XKR6: variants seen among roughly 807,000 people sequenced by gnomAD.
The protein encoded by XKR6 is XK related 6.
A neutral mutation model predicts 56.7 loss-of-function variants in XKR6; 22 were observed. The ratio of observed to expected loss-of-function variants is 0.39; its 90% CI spans 0.28 to 0.55. The LOEUF (loss-of-function observed/expected upper bound fraction) is 0.55. Ranked by LOEUF, XKR6 falls within the 20% of genes least tolerant of loss-of-function variation. The pLI is 0.66. For synonymous variants in XKR6, 524 were observed against 387.8 expected, an observed-to-expected ratio of 1.35 and a Z score of -4.13; for missense variants, 852 against 889.0, an observed-to-expected ratio of 0.96 and a Z score of 0.53.
intron 1 of XKR6, among the ~76,000 whole-genome samples, chr8:10,990,627 T>G (rs1161229073): frequency 6.6e-6 from 1 of 152,200 alleles, no homozygotes. Flanking sequence ...GGTCTCACTC[T>G]GTCACCCAAC....
chr8:11,034,365 G>A (rs185338842), intron 1 of XKR6, among the ~76,000 whole-genome samples: 2 of 152,180 alleles, frequency 1.3e-5, no homozygotes, highest in Non-Finnish European at 2.9e-5. Flanking sequence ...CAGGCCGAGA[G>A]AGCATCATGG....
chr8:11,184,107 T>C (rs529300506), intron 1 of XKR6, among the ~76,000 whole-genome samples: 1 of 152,314 alleles, frequency 6.6e-6, no homozygotes, highest in South Asian at 2.1e-4. Context: ...ACATAGTGTA[T>C]ATTTGACCTC....
rs1209341668 is a variant in XKR6, at chr8:11,005,266, T to A, written c.765-80436A>T. ...ACTCAAAACTCATATATTGTTTATT[T>A]TCAGAATTTCCCATTTAATATTTTT... On this transcript the variant is annotated intron_variant, in intron 1 of 2. Coordinates refer to ENST00000416569, the MANE Select transcript of XKR6 (RefSeq NM_173683.4). 9.2e-5 allele frequency among the ~76,000 whole-genome samples: 14 copies of A among 152,148 alleles called. 1 individual carries two copies. The highest frequency in any genetic ancestry group is 9.2e-4 in the Admixed American group (14 of 15,280).
At chr8:11,027,102 T>C (rs1346531547) in intron 1 of XKR6, among the ~76,000 whole-genome samples, 1 of 152,244 alleles carries the variant, frequency 6.6e-6, no homozygotes, top group East Asian at 1.9e-4. Context: ...CTATACGGCA[T>C]AGCCTGTTGC....
intron 1 of XKR6, among the ~76,000 whole-genome samples, chr8:11,080,305 C>A (rs1212969713): frequency 1.3e-5 from 2 of 151,938 alleles, no homozygotes; most frequent in Non-Finnish European, 2.9e-5. Flanking sequence ...TTTGTCCAAG[C>A]TATAGCCTAT....
At chr8:11,000,034 C>T (rs562454531) in intron 1 of XKR6, among the ~76,000 whole-genome samples, 18 of 152,336 alleles carry the variant, frequency 1.2e-4, no homozygotes, top group Middle Eastern at 3.4e-3. Context: ...AACTTCAAAA[C>T]TCCACTTTGA....
chr8:11,183,199 C>T (rs769192840), intron 1 of XKR6, among the ~76,000 whole-genome samples: 3 of 152,050 alleles, frequency 2.0e-5, no homozygotes, highest in Non-Finnish European at 4.4e-5. Flanking sequence ...TCCTTGAGAC[C>T]CTCCTTTCTT....
At chr8:11,004,542 T>C (rs1461002613) in intron 1 of XKR6, among the ~76,000 whole-genome samples, 1 of 152,152 alleles carries the variant, frequency 6.6e-6, no homozygotes, top group African/African-American at 2.4e-5. Context: ...ACCAGGTGGT[T>C]TATTATCCTG....
At chr8:10,952,917 G>A (rs577006735) in intron 1 of XKR6, among the ~76,000 whole-genome samples, 19 of 152,228 alleles carry the variant, frequency 1.2e-4, no homozygotes, top group South Asian at 4.2e-4. Flanking sequence ...GATCAGTGGC[G>A]GCATTAGATT....
chr8:10,991,550 C>A (rs149219376), intron 1 of XKR6, among the ~76,000 whole-genome samples: 9 of 152,224 alleles, frequency 5.9e-5, no homozygotes, highest in African/African-American at 2.2e-4. Context: ...TGCCATAGGT[C>A]TTAACTTGAG....
At chr8:11,162,222 G>A (rs1801847551) in intron 1 of XKR6, among the ~76,000 whole-genome samples, 1 of 152,208 alleles carries the variant, frequency 6.6e-6, no homozygotes, top group African/African-American at 2.4e-5. Flanking sequence ...AGCTGGGAAA[G>A]TTGAGGAGAA....
intron 1 of XKR6, among the ~76,000 whole-genome samples, chr8:11,135,133 CGCCATTCTGCCTCA>C (rs982796273): frequency 2.6e-5 from 4 of 151,586 alleles, no homozygotes; most frequent in Non-Finnish European, 5.9e-5. Context: ...CCCGGGTTCA[CGCCATTCTGCCTCA>C]GCCTCCCGAG....
chr8:11,102,117 C>T (rs987421771), intron 1 of XKR6, among the ~76,000 whole-genome samples: 2 of 152,130 alleles, frequency 1.3e-5, no homozygotes, highest in African/African-American at 4.8e-5. Flanking sequence ...TCTTTTCTTC[C>T]TTAAGACAAA....
intron 1 of XKR6, among the ~76,000 whole-genome samples, chr8:11,008,835 C>G (rs1320779880): frequency 6.6e-6 from 1 of 152,102 alleles, no homozygotes; most frequent in Non-Finnish European, 1.5e-5. Context: ...CAGGCCCCCC[C>G]GCCCAAGGAG....
At chr8:10,994,376 A>AC (rs1168646887) in intron 1 of XKR6, among the ~76,000 whole-genome samples, 5 of 151,910 alleles carry the variant, frequency 3.3e-5, no homozygotes, top group Admixed American at 6.6e-5. Flanking sequence ...TGGATGTGAC[A>AC]CCCCCCATGC....
rs111361242 is a variant in XKR6 at position 10,970,743 on chromosome 8, T to C, written c.765-45913A>G. ...ATTTTAACTAGAGAACTACCTTTAC[T>C]GGGATAAAATGTAATATTTTTGCCC... On this transcript the variant is annotated intron_variant, in intron 1 of 2. Transcript: ENST00000416569. 9.2e-3 allele frequency among the ~76,000 whole-genome samples: 1,381 copies of C among 150,812 alleles called. 24 individuals carry two copies. The highest frequency in any genetic ancestry group is 0.032 in the African/African-American group (1,323 of 40,932).
intron 2 of XKR6, among the ~76,000 whole-genome samples, chr8:10,911,531 G>A (rs1038476236): frequency 6.1e-5 from 9 of 147,860 alleles, no homozygotes; most frequent in East Asian, 4.0e-4. Flanking sequence ...TAGAAAGAGA[G>A]GGGGTGAATA....
intron 1 of XKR6, among the ~76,000 whole-genome samples, chr8:11,018,223 T>A (rs1418730674): frequency 2.7e-5 from 1 of 36,802 alleles, no homozygotes; most frequent in Non-Finnish European, 5.8e-5. Context: ...CCCAACTCCC[T>A]CCCTGCCATC....
intron 1 of XKR6, among the ~76,000 whole-genome samples, chr8:11,127,881 A>G (rs1799904943): frequency 6.6e-6 from 1 of 152,246 alleles, no homozygotes; most frequent in Non-Finnish European, 1.5e-5. Context: ...TAACCAGTTG[A>G]AATTTAATGA....
Sources: gnomAD v4.1 joint callset for allele counts (sites outside exome capture counted in the v4.1 genomes callset) on GRCh38, gnomAD v4.1.1 for gene constraint, MANE v1.5 for transcripts, NCBI Gene and HGNC (gene_info 2026-07-23, HGNC 2026-07-21) for gene names.